The following KMT2A variants were observed in gnomAD, a reference collection of about 807,000 sequenced individuals.
KMT2A encodes histone-lysine N-methyltransferase 2A.
A neutral mutation model predicts 345.3 loss-of-function variants in KMT2A; 16 were observed. The observed-to-expected ratio is 0.05, with a 90% CI of 0.03 to 0.07. KMT2A has a LOEUF of 0.07. Ranked by LOEUF, KMT2A falls within the 10% of genes least tolerant of loss-of-function variation. The pLI, the probability that KMT2A is intolerant of heterozygous loss-of-function variation, is 1.00. For synonymous variants in KMT2A, 1,599 were observed against 1,778.6 expected (o/e 0.90, Z 2.54); for missense variants, 3,272 against 4,841.6 (o/e 0.68, Z 9.62).
In KMT2A at chr11:118,496,131, T is replaced by G. The variant is rs1950405446; in HGVS notation, c.5558-130T>G. On this transcript the variant is annotated intron_variant, in intron 19 of 35. Transcript: ENST00000534358. The surrounding 1 kb of genome is among the most constrained non-coding windows in gnomAD (Gnocchi z 4.7). ...AGGTAGCGTAACTCTGAACACTTTT[T>G]GAAAAGTGGTTATTTTATAGGCTGT... 1 of 754,324 alleles carries G rather than the reference T, an allele frequency of 1.3e-6. No homozygotes were observed. Among genetic ancestry groups the G allele is most frequent in the African/African-American group, 1.7e-5 (1 of 57,230 alleles). 46.7% of individuals were successfully genotyped at this position (754,324 alleles called of 1,614,324 possible). A position where few individuals can be genotyped will look rare whatever the true frequency, so the allele number is the denominator to read the frequency against.
In KMT2A at chr11:118,495,307, C is replaced by T. The variant is rs1393668757; in HGVS notation, c.5364-393C>T. ...CCAAGTAGCTGGGAAAACAGGCGGG[C>T]ACCACCATGCCCAGCTAATTTTTGT... is the stretch of plus-strand genomic sequence containing the variant. On this transcript the variant is annotated intron_variant, in intron 18 of 35. Coordinates refer to ENST00000534358, the MANE Select transcript of KMT2A (RefSeq NM_001197104.2). This position sits in a 1 kb window ranked among gnomAD's most constrained non-coding sequence, Gnocchi z 4.1. 6.6e-6 allele frequency among the ~76,000 whole-genome samples: 1 copy of T among 151,978 alleles called. No individual in the cohort carries two copies. Among genetic ancestry groups the T allele is most frequent in the Non-Finnish European group, 1.5e-5 (1 of 67,990 alleles).
At chr11:118,511,021 G>A (rs1555049929) in intron 30 of KMT2A, among the ~76,000 whole-genome samples, 1 of 152,140 alleles carries the variant, frequency 6.6e-6, no homozygotes, top group Admixed American at 6.5e-5. Context: ...TAGTGAAAGA[G>A]AAAATTGGGA....
chr11:118,437,750 A>C, intron 1 of KMT2A, among the ~76,000 whole-genome samples: 2 of 144,112 alleles, frequency 1.4e-5, no homozygotes, highest in Non-Finnish European at 3.0e-5. Context: ...CCTTCACTCC[A>C]CCCTTTCCCT....
At chr11:118,470,231 C>A (rs1949919955) in intron 2 of KMT2A, among the ~76,000 whole-genome samples, 1 of 152,136 alleles carries the variant, frequency 6.6e-6, no homozygotes, top group African/African-American at 2.4e-5. Context: ...TCTGATTGGC[C>A]AGGTTCAAGT....
At chr11:118,437,094 C>A in intron 1 of KMT2A, 150 bp downstream of exon 1, 1 of 962,440 alleles carries the variant, frequency 1.0e-6, no homozygotes. Context: ...TTGGGACCCC[C>A]ATGCAGGGCT....
chr11:118,490,112 C>A lies in KMT2A; in HGVS notation c.4576-17C>A, dbSNP rs782348341. On this transcript the variant is annotated splice_polypyrimidine_tract_variant and intron_variant, in intron 12 of 35. Coordinates refer to ENST00000534358, the MANE Select transcript of KMT2A (RefSeq NM_001197104.2). This position sits in a 1 kb window ranked among gnomAD's most constrained non-coding sequence, Gnocchi z 4.2. ...AAAACAAGAAATTCCTATTGAATTT[C>A]TTTTCTTCTTTTCTAGATCTGTACC... 5 of 1,597,398 alleles carry A rather than the reference C, an allele frequency of 3.1e-6. No individual in the cohort carries two copies. The African/African-American group carries it at 4.1e-5, about 13-fold the overall frequency.
intron 1 of KMT2A, among the ~76,000 whole-genome samples, chr11:118,461,386 G>A (rs1555032608): frequency 1.3e-5 from 2 of 152,220 alleles, no homozygotes; most frequent in East Asian, 3.8e-4. Flanking sequence ...CACTTAGGAA[G>A]TGACATTACA....
rs782817600 is a variant in KMT2A, at chr11:118,496,367, T to C, written c.5664T>C (p.Asn1888=). The C allele has an allele frequency of 6.2e-7, 1 of 1,606,360 alleles. No homozygotes were observed. Among genetic ancestry groups the C allele is most frequent in the Non-Finnish European group, 8.5e-7 (1 of 1,172,984 alleles). Residue 1888 remains asparagine (N), a splice_region_variant and synonymous_variant, in exon 20 of 36, where the codon AAT becomes AAC. Transcript: ENST00000534358. This position sits in a 1 kb window ranked among gnomAD's most constrained non-coding sequence, Gnocchi z 4.7. The part of the protein sequence containing the change: ...LCLTYGDDSA[N]DAGRLLYIGQ... ...TGACTTATGGTGATGACAGTGCTAA[T>C]GTAAGTACTTTGCAACACAGGGCCC...
intron 1 of KMT2A, chr11:118,458,216 TG>T: frequency 2.9e-6 from 1 of 346,576 alleles, no homozygotes; most frequent in South Asian, 2.2e-5. Flanking sequence ...CCCAAGTAGC[TG>T]GGACTACAGG....
chr11:118,460,096 T>G (rs1555032150), intron 1 of KMT2A, among the ~76,000 whole-genome samples: 2 of 152,170 alleles, frequency 1.3e-5, no homozygotes, highest in African/African-American at 4.8e-5. Context: ...ATCAGATCAG[T>G]GGTATTACTA....
At chr11:118,444,988 G>C (rs1949389121) in intron 1 of KMT2A, among the ~76,000 whole-genome samples, 1 of 152,214 alleles carries the variant, frequency 6.6e-6, no homozygotes, top group African/African-American at 2.4e-5. Context: ...TAAGCACTTA[G>C]CATTTTGCCT....
Position 118,436,933 on chromosome 11 carries a change from G to T in KMT2A, c.421G>T (p.Gly141Cys). The stretch of plus-strand genomic sequence containing the variant: ...GTTTGGGGAGAGCGGCGGGGGAGGC[G>T]GCAGCGGAGAGGTAAGGGGGCGAGG... ...AVFGESGGGG[G>C]SGEDEQFLGF... Residue 141 changes from glycine to cysteine, a missense_variant, in exon 1 of 36, where the codon GGC becomes TGC. Physicochemically the swap from Gly to Cys is radical, Grantham distance 159. Transcript: ENST00000534358. This position sits in a 1 kb window ranked among gnomAD's most constrained non-coding sequence, Gnocchi z 6.9. The T allele has an allele frequency of 2.0e-6, 3 of 1,537,034 alleles. No homozygotes were observed. The highest frequency in any genetic ancestry group is 1.8e-6 in the Non-Finnish European group (2 of 1,139,008).
chr11:118,494,828 T>G lies in KMT2A; in HGVS notation c.5363+61T>G. ...TCGGCTAGAAATCTGAGAGTTCTCA[T>G]ATTTCTAGATTGCAGTTTTCCAAAA... is the stretch of plus-strand genomic sequence containing the variant. On this transcript the variant is annotated intron_variant, in intron 18 of 35. Coordinates refer to ENST00000534358, the MANE Select transcript of KMT2A (RefSeq NM_001197104.2). This position sits in a 1 kb window ranked among gnomAD's most constrained non-coding sequence, Gnocchi z 5.8. 3 of 1,296,942 alleles carry G rather than the reference T, an allele frequency of 2.3e-6. No individual in the cohort carries two copies. The highest frequency in any genetic ancestry group is 3.3e-6 in the Non-Finnish European group (3 of 901,776). The allele number at this position is 1,296,942 out of a possible 1,614,324, so 80.3% of individuals were successfully genotyped here. A position where few individuals can be genotyped will look rare whatever the true frequency, so the allele number is the denominator to read the frequency against.
chr11:118,482,463 A>C lies in KMT2A; in HGVS notation c.4054A>C (p.Ser1352Arg). The C allele has an allele frequency of 6.2e-7, 1 of 1,613,746 alleles. No individual in the cohort carries two copies. The highest frequency in any genetic ancestry group is 1.7e-5 in the Admixed American group (1 of 59,968). The stretch of plus-strand genomic sequence containing the variant: ...ACAGAAAAAAGTGGCTCCCCGCCCA[A>C]GTATCCCTGTAAAACAAAAACCAAA... ...SKQKKVAPRPSIPVKQKPKEK... is the reference protein window; with the variant it reads ...SKQKKVAPRPRIPVKQKPKEK... The change falls in exon 8 of 36, where the codon AGT becomes CGT. Residue 1352 changes from serine to arginine, a missense_variant. By Grantham distance (110) the Ser-to-Arg change is moderately radical. Transcript: ENST00000534358.
Position 118,493,199 on chromosome 11 carries a change from G to A in KMT2A, c.5147G>A (p.Arg1716Lys), listed in dbSNP as rs899047381. 12 of 1,614,056 alleles carry A rather than the reference G, an allele frequency of 7.4e-6. No homozygotes were observed. The highest frequency in any genetic ancestry group is 1.0e-5 in the Non-Finnish European group (12 of 1,179,960). Residue 1716 changes from arginine to lysine, a missense_variant, in exon 16 of 36, where the codon AGG becomes AAG. Around this residue, in one of 27 missense-constraint regions of KMT2A, gnomAD observed 235 missense variants for 503.4 expected, o/e 0.47. Coordinates refer to ENST00000534358, the MANE Select transcript of KMT2A (RefSeq NM_001197104.2). The surrounding 1 kb of genome is among the most constrained non-coding windows in gnomAD (Gnocchi z 5.8). ...CCTTTAGATCTAGAAGGAGTCAAGA[G>A]GAAGATGGACCAAGGGAATTACACA... is the stretch of plus-strand genomic sequence containing the variant. ...QQPLDLEGVK[R>K]KMDQGNYTSV...
intron 31 of KMT2A, among the ~76,000 whole-genome samples, chr11:118,514,791 G>A (rs113126135): frequency 6.6e-6 from 1 of 152,160 alleles, no homozygotes; most frequent in Non-Finnish European, 1.5e-5. Flanking sequence ...GTGCCACCAT[G>A]CCTGGCTAAT....
In KMT2A at chr11:118,472,099, A is replaced by G; in HGVS notation, c.940A>G (p.Thr314Ala). 3 of 1,613,826 alleles carry G rather than the reference A, an allele frequency of 1.9e-6. No homozygotes were observed. The highest frequency in any genetic ancestry group is 2.5e-6 in the Non-Finnish European group (3 of 1,179,968). The change falls in exon 3 of 36, where the codon ACC becomes GCC. Residue 314 changes from threonine (T) to alanine (A), a missense_variant. By Grantham distance (58) the Thr-to-Ala change is moderately conservative (BLOSUM62 0). Transcript: ENST00000534358. Reference protein sequence around the residue: ...GRPPSTERIKTPSGLLINSEL... With the variant: ...GRPPSTERIKAPSGLLINSEL... ...GCCTCCATCAACAGAAAGGATAAAG[A>G]CCCCTTCGGGTCTCCTCATTAATTC...
In KMT2A at chr11:118,495,770, G is replaced by A; in HGVS notation, c.5434G>A (p.Glu1812Lys). The A allele has an allele frequency of 2.5e-6, 4 of 1,614,116 alleles. No homozygotes were observed. The highest frequency in any genetic ancestry group is 2.2e-5 in the East Asian group (1 of 44,878). ...DHNYAQWQEREENSHTEQPPL... is the reference protein window; with the variant it reads ...DHNYAQWQERKENSHTEQPPL... ...TAATTATGCTCAGTGGCAGGAGCGA[G>A]AGGAAAACAGCCACACTGAGCAGCC... is the stretch of plus-strand genomic sequence containing the variant. Residue 1812 changes from glutamate to lysine, a missense_variant, in exon 19 of 36, where the codon GAG becomes AAG. By Grantham distance (56) the Glu-to-Lys change is moderately conservative. Coordinates refer to ENST00000534358, the MANE Select transcript of KMT2A (RefSeq NM_001197104.2). The surrounding 1 kb of genome is among the most constrained non-coding windows in gnomAD (Gnocchi z 4.1).
At chr11:118,509,248 A>G (rs2134428000) in intron 29 of KMT2A, 48 bp downstream of exon 29, 1 of 1,427,322 alleles carries the variant, frequency 7.0e-7, no homozygotes, top group Non-Finnish European at 9.8e-7. Flanking sequence ...CAATGCTAAA[A>G]GGATTATGAG....
Sources: gnomAD v4.1 joint callset for allele counts (sites outside exome capture counted in the v4.1 genomes callset) on GRCh38, gnomAD v4.1.1 for gene constraint, gnomAD v4.1.1 regional missense constraint, Gnocchi (gnomAD v3.1) non-coding constraint, MANE v1.5 for transcripts, NCBI Gene and HGNC (gene_info 2026-07-23, HGNC 2026-07-21) for gene names.